Variants in CTNNA3 observed in about 807,000 individuals in gnomAD.
The protein encoded by CTNNA3 is catenin alpha 3.
CTNNA3 carries 76 observed loss-of-function variants against 95.7 expected under a neutral mutation model. The ratio of observed to expected loss-of-function variants is 0.79; its 90% CI spans 0.66 to 0.96. The LOEUF is 0.96. CTNNA3 is among the 40% of genes least tolerant of loss of function. CTNNA3 has a pLI of 0.00. For missense variants in CTNNA3, 1,191 were observed against 1,089.8 expected, an observed-to-expected ratio of 1.09 and a Z score of -1.31; for synonymous variants, 431 against 374.4, an observed-to-expected ratio of 1.15 and a Z score of -1.74.
At chr10:67,726,267 A>G (rs796120638) in intron 1 of CTNNA3, among the ~76,000 whole-genome samples, 1 of 68,638 alleles carries the variant, frequency 1.5e-5, no homozygotes, top group African/African-American at 7.2e-5. Context: ...TGTATTACAT[A>G]TTATATATAT....
At chr10:67,193,545 T>C (rs1239513841) in intron 6 of CTNNA3, among the ~76,000 whole-genome samples, 4 of 152,120 alleles carry the variant, frequency 2.6e-5, no homozygotes, top group African/African-American at 9.6e-5. Context: ...TTTCCCTTTA[T>C]GTGTTCTCAT....
At chr10:67,206,078 A>C (rs1472283528) in intron 6 of CTNNA3, among the ~76,000 whole-genome samples, 1 of 152,156 alleles carries the variant, frequency 6.6e-6, no homozygotes, top group Non-Finnish European at 1.5e-5. Context: ...GCTCCAAGTT[A>C]CAAACTTGTC....
In CTNNA3 at chr10:66,381,386, T is replaced by C. The variant is rs1038008827; in HGVS notation, c.1532-2034A>G. Among the ~76,000 whole-genome samples the C allele has an allele frequency of 2.5e-4, 38 of 152,230 alleles. 1 individual carries two copies. The highest frequency in any genetic ancestry group is 7.7e-4 in the African/African-American group (32 of 41,458). ...TTTAGGATTCACATAAAATGGTTTA[T>C]GTGCCTCAATTAGAGATTCTACCTG... On this transcript the variant is annotated intron_variant, in intron 11 of 17. Transcript: ENST00000433211.
intron 13 of CTNNA3, among the ~76,000 whole-genome samples, chr10:66,186,839 A>G (rs537461568): frequency 6.6e-6 from 1 of 152,308 alleles, no homozygotes; most frequent in East Asian, 1.9e-4. Flanking sequence ...TGCAAAAAAA[A>G]GGTGAACTTC....
At chr10:66,857,938 T>C (rs4592310) in intron 7 of CTNNA3, among the ~76,000 whole-genome samples, 28,907 of 152,008 alleles carry the variant, frequency 0.19, 2,805 homozygotes, top group South Asian at 0.27. Flanking sequence ...CTTTCAGTAC[T>C]ATGTTGAGTA....
intron 5 of CTNNA3, among the ~76,000 whole-genome samples, chr10:67,469,826 G>T (rs1296735410): frequency 2.6e-5 from 4 of 152,028 alleles, no homozygotes; most frequent in African/African-American, 9.7e-5. Flanking sequence ...TACATAGTAG[G>T]TGTATATATT....
intron 17 of CTNNA3, among the ~76,000 whole-genome samples, chr10:65,962,242 T>A (rs1391950238): frequency 6.6e-6 from 1 of 152,128 alleles, no homozygotes; most frequent in Admixed American, 6.5e-5. Flanking sequence ...CAACTTCTCC[T>A]AAACCTTTCT....
At chr10:66,904,616 C>T (rs1200114413) in intron 7 of CTNNA3, among the ~76,000 whole-genome samples, 3 of 152,034 alleles carry the variant, frequency 2.0e-5, no homozygotes, top group African/African-American at 7.3e-5. Flanking sequence ...ACAATCTACC[C>T]ATCTGACAAA....
Position 66,882,490 on chromosome 10 carries a change from A to ACAGTC in CTNNA3, c.1048-106971_1048-106967dup, listed in dbSNP as rs1490766312. Among the ~76,000 whole-genome samples, 9 of 152,124 alleles carry ACAGTC rather than the reference A, an allele frequency of 5.9e-5. No individual in the cohort carries two copies. The East Asian group carries it at 1.7e-3, about 29-fold the overall frequency. On this transcript the variant is annotated intron_variant, in intron 7 of 17. Coordinates refer to ENST00000433211, the MANE Select transcript of CTNNA3 (RefSeq NM_013266.4). The stretch of plus-strand genomic sequence containing the variant: ...CTGCTATGTGCACCATTGCCAATAC[A>ACAGTC]CAGTCCAGTGTGCCAATGGCACCAT...
chr10:67,466,692 C>A (rs978973175), intron 5 of CTNNA3, among the ~76,000 whole-genome samples: 2 of 152,134 alleles, frequency 1.3e-5, no homozygotes, highest in Non-Finnish European at 2.9e-5. Flanking sequence ...TATGAGATGT[C>A]AAGCGGTGTT....
At chr10:67,721,016 T>A (rs1291875258) in intron 1 of CTNNA3, among the ~76,000 whole-genome samples, 1 of 152,204 alleles carries the variant, frequency 6.6e-6, no homozygotes, top group East Asian at 1.9e-4. Context: ...TGCAGAGAGA[T>A]CTACTGTTAG....
At chr10:66,825,567 C>T (rs558630554) in intron 7 of CTNNA3, among the ~76,000 whole-genome samples, 10 of 152,210 alleles carry the variant, frequency 6.6e-5, no homozygotes, top group East Asian at 1.9e-4. Context: ...CATGAACCAC[C>T]GCACCTAGCC....
intron 12 of CTNNA3, among the ~76,000 whole-genome samples, chr10:66,374,802 A>C (rs547263377): frequency 6.6e-5 from 10 of 151,586 alleles, no homozygotes; most frequent in Non-Finnish European, 1.5e-4. Context: ...TTTTTTCTAG[A>C]GACGGGGTTT....
At position 67,160,991 on chromosome 10, in the gene CTNNA3, A is replaced by G. The variant is rs149716034; in HGVS notation, c.1047+19326T>C. 1.6e-3 allele frequency among the ~76,000 whole-genome samples: 240 copies of G among 152,296 alleles called. 3 individuals are homozygous for G. Among genetic ancestry groups the G allele is most frequent in the African/African-American group, 5.5e-3 (230 of 41,566 alleles). On this transcript the variant is annotated intron_variant, in intron 7 of 17. Coordinates refer to ENST00000433211, the MANE Select transcript of CTNNA3 (RefSeq NM_013266.4). ...GCATATGAAATAGTCAAACACAGAG[A>G]AGCAGAGGGTAGAATGGTGGGTGCT...
At chr10:67,760,736 G>A (rs531479761) in intron 1 of CTNNA3, among the ~76,000 whole-genome samples, 141 of 152,176 alleles carry the variant, frequency 9.3e-4, no homozygotes, top group Non-Finnish European at 1.5e-3. Context: ...GATTCTCATA[G>A]GAGCATGAAC....
At position 66,716,333 on chromosome 10, in the gene CTNNA3, A is replaced by G. The variant is rs76822964; in HGVS notation, c.1281+49931T>C. ...GATTTGGTGCGTTCATTCCACAAGGAAGAATTTGAAAATAATTTATGTATA... is the reference window on the plus strand; with the variant it reads ...GATTTGGTGCGTTCATTCCACAAGGGAGAATTTGAAAATAATTTATGTATA... On this transcript the variant is annotated intron_variant, in intron 9 of 17. Coordinates refer to ENST00000433211, the MANE Select transcript of CTNNA3 (RefSeq NM_013266.4). 6.4e-3 allele frequency among the ~76,000 whole-genome samples: 972 copies of G among 152,260 alleles called. 11 individuals are homozygous for G. The highest frequency in any genetic ancestry group is 0.017 in the African/African-American group (725 of 41,562).
chr10:66,845,725 A>AAAC lies in CTNNA3; in HGVS notation c.1048-70202_1048-70201insGTT, dbSNP rs1843239390. Among the ~76,000 whole-genome samples, 2 of 100,340 alleles carry AAAC rather than the reference A, an allele frequency of 2.0e-5. 1 individual carries two copies. Among genetic ancestry groups the AAAC allele is most frequent in the African/African-American group, 6.8e-5 (2 of 29,404 alleles). 65.8% of individuals were successfully genotyped at this position (100,340 alleles called of 152,430 possible). A position where few individuals can be genotyped will look rare whatever the true frequency, so the allele number is the denominator to read the frequency against. Reference sequence around the variant, plus strand: ...TCTCAAAAAAAAAAAAAAAAAAAAAAAAAACTAAAAAGGTGAGATATATAT... The same window carrying AAAC: ...TCTCAAAAAAAAAAAAAAAAAAAAAAAACAAAACTAAAAAGGTGAGATATATAT... On this transcript the variant is annotated intron_variant, in intron 7 of 17. Coordinates refer to ENST00000433211, the MANE Select transcript of CTNNA3 (RefSeq NM_013266.4).
intron 12 of CTNNA3, among the ~76,000 whole-genome samples, chr10:66,339,714 A>T (rs2132349308): frequency 6.6e-6 from 1 of 151,932 alleles, no homozygotes; most frequent in East Asian, 1.9e-4. Context: ...GGGAATTTTA[A>T]AAATCAGTTC....
intron 10 of CTNNA3, among the ~76,000 whole-genome samples, chr10:66,586,444 C>T (rs1389292347): frequency 1.3e-5 from 2 of 152,130 alleles, no homozygotes; most frequent in Admixed American, 6.6e-5. Flanking sequence ...AGCAATCCAC[C>T]TCCCAGTCAC....
Sources: allele counts gnomAD v4.1 joint callset (sites outside exome capture counted in the v4.1 genomes callset), GRCh38; gene constraint gnomAD v4.1.1; transcripts MANE v1.5; gene names NCBI Gene and HGNC (gene_info 2026-07-23, HGNC 2026-07-21).